Variants in ZYG11B observed in about 807,000 individuals in gnomAD.
ZYG11B encodes zyg-11 family member B, cell cycle regulator, also known as protein zyg-11 homolog B.
A neutral mutation model predicts 82.4 loss-of-function variants in ZYG11B; 36 were observed. The observed-to-expected ratio is 0.44, with a 90% confidence interval of 0.33 to 0.58. ZYG11B has a LOEUF of 0.58. ZYG11B is among the 20% of genes least tolerant of loss of function. The pLI is 0.02. For missense variants in ZYG11B, 552 were observed against 895.6 expected (o/e 0.62, Z 4.90); for synonymous variants, 303 against 312.8 (o/e 0.97, Z 0.33).
At chr1:52,803,113 T>C (rs1217366861) in intron 10 of ZYG11B, among the ~76,000 whole-genome samples, 26 of 84,162 alleles carry the variant, frequency 3.1e-4, no homozygotes, top group South Asian at 7.7e-4. Flanking sequence ...TATATATATA[T>C]ATATACACAC....
Position 52,738,606 on chromosome 1 carries a change from CT to C in ZYG11B, c.30+11937del, listed in dbSNP as rs11390068. Among the ~76,000 whole-genome samples the C allele has an allele frequency of 7.6e-3, 1,063 of 140,650 alleles. 6 individuals carry two copies. Among genetic ancestry groups the C allele is most frequent in the African/African-American group, 0.019 (730 of 37,914 alleles). 92.3% of individuals were successfully genotyped at this position (140,650 alleles called of 152,430 possible). A position where few individuals can be genotyped will look rare whatever the true frequency, so the allele number is the denominator to read the frequency against. On this transcript the variant is annotated intron_variant, in intron 1 of 13. Coordinates refer to ENST00000294353, the MANE Select transcript of ZYG11B (RefSeq NM_024646.3). The stretch of plus-strand genomic sequence containing the variant: ...ATGTCATATTTTTCTTTTCTAAGGA[CT>C]TTTTTTTTTTTTTGAGATGGAGTTT...
rs1018525987 is a variant in ZYG11B at position 52,824,465 on chromosome 1, C to G, written c.*2836C>G. The G allele has an allele frequency of 2.6e-5, 4 of 152,104 alleles. No individual in the cohort carries two copies. The East Asian group carries it at 7.8e-4, about 30-fold the overall frequency. The allele number at this position is 152,104 out of a possible 1,614,324, so 9.4% of individuals were successfully genotyped here. On this transcript the variant is annotated 3_prime_UTR_variant, in exon 14 of 14. Transcript: ENST00000294353. ...ACCAGCCTGGCCCAAATGGTGAAAC[C>G]CTGTCTCTACTAAATATACAAAAAT...
In ZYG11B at chr1:52,776,229, A is replaced by AAAAAAAATATATAT; in HGVS notation, c.952-3623_952-3622insAAAAAATATATATA. ...AGCAAAACTCTGTCTTAAAAAAAAAAATATATATATATATATGCAATAAAG... is the reference window on the plus strand; with the variant it reads ...AGCAAAACTCTGTCTTAAAAAAAAAAAAAAAAATATATATATATATATATATATATGCAATAAAG... On this transcript the variant is annotated intron_variant, in intron 3 of 13. Coordinates refer to ENST00000294353, the MANE Select transcript of ZYG11B (RefSeq NM_024646.3). Among the ~76,000 whole-genome samples, 56 of 23,544 alleles carry AAAAAAAATATATAT rather than the reference A, an allele frequency of 2.4e-3. 5 individuals carry two copies. Among genetic ancestry groups the AAAAAAAATATATAT allele is most frequent in the Non-Finnish European group, 5.0e-3 (43 of 8,666 alleles). 15.4% of individuals were successfully genotyped at this position (23,544 alleles called of 152,430 possible).
intron 2 of ZYG11B, among the ~76,000 whole-genome samples, 196 bp downstream of exon 2, chr1:52,756,819 T>TC (rs1050993575): frequency 1.3e-5 from 2 of 150,000 alleles, no homozygotes; most frequent in African/African-American, 4.9e-5. Flanking sequence ...ATTTTTCTTT[T>TC]TTTTTTTTTT....
At position 52,726,540 on chromosome 1, in the gene ZYG11B, G is replaced by T; in HGVS notation, c.-114G>T. The T allele has an allele frequency of 2.9e-6, 3 of 1,048,620 alleles. No individual in the cohort carries two copies. Among genetic ancestry groups the T allele is most frequent in the Non-Finnish European group, 2.5e-6 (2 of 797,004 alleles). 65.0% of individuals were successfully genotyped at this position (1,048,620 alleles called of 1,614,324 possible). A position where few individuals can be genotyped will look rare whatever the true frequency, so the allele number is the denominator to read the frequency against. Reference sequence around the variant, plus strand: ...CCTAGCTTGAGGGAAAGAGGCCGAGGCCTGGGCCAAGCCCGGAGCCGCCGC... The same window carrying T: ...CCTAGCTTGAGGGAAAGAGGCCGAGTCCTGGGCCAAGCCCGGAGCCGCCGC... On this transcript the variant is annotated 5_prime_UTR_variant, in exon 1 of 14. Coordinates refer to ENST00000294353, the MANE Select transcript of ZYG11B (RefSeq NM_024646.3).
chr1:52,806,243 T>C (rs1038152260), intron 10 of ZYG11B, among the ~76,000 whole-genome samples: 4 of 152,178 alleles, frequency 2.6e-5, no homozygotes, highest in African/African-American at 9.7e-5. Context: ...ATTGTCTTAT[T>C]ATTGGGTATA....
chr1:52,796,611 T>C (rs973184675), intron 7 of ZYG11B, 123 bp from the exon 8 acceptor site: 3 of 929,944 alleles, frequency 3.2e-6, no homozygotes, highest in African/African-American at 1.7e-5. Context: ...AAAACCGATA[T>C]GCAGCAGAAT....
At position 52,748,106 on chromosome 1, in the gene ZYG11B, T is replaced by G. The variant is rs140350537; in HGVS notation, c.31-8352T>G. Among the ~76,000 whole-genome samples the G allele has an allele frequency of 8.2e-3, 1,247 of 152,276 alleles. 17 individuals carry two copies. In the Middle Eastern group the frequency reaches 0.13, roughly 16 times the overall value. On this transcript the variant is annotated intron_variant, in intron 1 of 13. Transcript: ENST00000294353. The stretch of plus-strand genomic sequence containing the variant: ...AATATAAACTTTGGCCTCATTCTTG[T>G]GTTGAAGTCTGGGTTTAGCAATATA...
At chr1:52,805,129 A>C (rs1645131798) in intron 10 of ZYG11B, 1 of 155,928 alleles carries the variant, frequency 6.4e-6, no homozygotes, top group Non-Finnish European at 1.4e-5. Context: ...ACACTTTGCA[A>C]ATTTACATGT....
intron 13 of ZYG11B, among the ~76,000 whole-genome samples, chr1:52,820,876 G>C (rs1645277369): frequency 6.6e-6 from 1 of 151,842 alleles, no homozygotes; most frequent in African/African-American, 2.4e-5. Flanking sequence ...TGAGGCGGGA[G>C]GATTGCTTGA....
chr1:52,775,173 G>A (rs1037822406), intron 3 of ZYG11B, among the ~76,000 whole-genome samples: 1 of 151,734 alleles, frequency 6.6e-6, no homozygotes, highest in African/African-American at 2.4e-5. Context: ...CTGTTGGAGA[G>A]TTCTGCACCT....
At chr1:52,795,790 A>C (rs1645001795) in intron 6 of ZYG11B, among the ~76,000 whole-genome samples, 1 of 152,128 alleles carries the variant, frequency 6.6e-6, no homozygotes, top group Non-Finnish European at 1.5e-5. Flanking sequence ...TATCTGATTT[A>C]TTACCTGTCT....
At chr1:52,731,189 C>G (rs1468675078) in intron 1 of ZYG11B, among the ~76,000 whole-genome samples, 2 of 151,430 alleles carry the variant, frequency 1.3e-5, no homozygotes, top group African/African-American at 4.9e-5. Flanking sequence ...AGGAGAATTG[C>G]TTGAACCCGG....
In ZYG11B at chr1:52,813,701, C is replaced by A. The variant is rs1173262594; in HGVS notation, c.1861C>A (p.Arg621Ser). The A allele has an allele frequency of 7.4e-6, 12 of 1,613,906 alleles. No homozygotes were observed. The South Asian group carries it at 1.3e-4, about 18-fold the overall frequency. The change falls in exon 11 of 14, where the codon CGT becomes AGT. Residue 621 changes from arginine (R) to serine (S), a missense_variant. This residue lies in a region of ZYG11B where 127 missense variants were observed against 163.4 expected (regional missense o/e 0.78). Transcript: ENST00000294353. The part of the protein sequence containing the change: ...SRGEQAWTLS[R>S]SQRNSLLDDL... Reference sequence around the variant, plus strand: ...AGGTGAACAAGCTTGGACATTGAGTCGTAGCCAGAGGAATTCTCTGCTGGA... The same window carrying A: ...AGGTGAACAAGCTTGGACATTGAGTAGTAGCCAGAGGAATTCTCTGCTGGA...
intron 5 of ZYG11B, 27 bp downstream of exon 5, chr1:52,785,080 A>C: frequency 6.2e-7 from 1 of 1,607,916 alleles, no homozygotes; most frequent in Non-Finnish European, 8.5e-7. Context: ...TCCTTTTCAA[A>C]TAGTCCTTGT....
chr1:52,749,157 C>T (rs556522665), intron 1 of ZYG11B, among the ~76,000 whole-genome samples: 5 of 152,196 alleles, frequency 3.3e-5, no homozygotes, highest in Non-Finnish European at 5.9e-5. Flanking sequence ...GAGCCGAGAT[C>T]GTGCCATTGC....
intron 1 of ZYG11B, among the ~76,000 whole-genome samples, chr1:52,752,078 G>A (rs1644531107): frequency 6.6e-6 from 1 of 151,844 alleles, no homozygotes; most frequent in Admixed American, 6.6e-5. Flanking sequence ...GACCTCACAG[G>A]TGAGGGGCTC....
At chr1:52,763,623 A>G (rs1031654236) in intron 2 of ZYG11B, among the ~76,000 whole-genome samples, 46 of 152,114 alleles carry the variant, frequency 3.0e-4, no homozygotes, top group African/African-American at 1.0e-3. Flanking sequence ...CTCAGCCAGT[A>G]GCAGTCTTAA....
chr1:52,729,236 T>C (rs1328470195), intron 1 of ZYG11B, among the ~76,000 whole-genome samples: 1 of 152,170 alleles, frequency 6.6e-6, no homozygotes, highest in African/African-American at 2.4e-5. Context: ...GGGCACTAAC[T>C]GGTGATCTAA....
Sources: allele counts gnomAD v4.1 joint callset (sites outside exome capture counted in the v4.1 genomes callset), GRCh38; gene constraint gnomAD v4.1.1; regional missense constraint gnomAD v4.1.1; transcripts MANE v1.5; gene names NCBI Gene and HGNC (gene_info 2026-07-23, HGNC 2026-07-21).